The following AGAP1 variants were observed in gnomAD, a reference collection of about 807,000 sequenced individuals.
AGAP1 encodes the protein arf-GAP with GTPase, ANK repeat and PH domain-containing protein 1.
AGAP1 carries 29 observed loss-of-function variants against 105.3 expected under a neutral mutation model. The ratio of observed to expected loss-of-function variants is 0.28; its 90% CI spans 0.21 to 0.38. AGAP1 has a LOEUF of 0.38. Ranked by LOEUF, AGAP1 falls within the 10% of genes least tolerant of loss-of-function variation. The probability of loss-of-function intolerance (pLI) is 1.00; values close to 1 mark genes in which losing one functional copy is unlikely to be tolerated. For synonymous variants in AGAP1, 509 were observed against 485.9 expected, an observed-to-expected ratio of 1.05 and a Z score of -0.63; for missense variants, 998 against 1,165.1, an observed-to-expected ratio of 0.86 and a Z score of 2.09.
In AGAP1 at chr2:235,911,402, A is replaced by G. The variant is rs931617137; in HGVS notation, c.1324+2496A>G. 9.8e-5 allele frequency among the ~76,000 whole-genome samples: 15 copies of G among 152,310 alleles called. No homozygotes were observed. The East Asian group carries it at 2.1e-3, about 22-fold the overall frequency. ...GGCCAGGCTTCAAGGGATGGGGGCT[A>G]CCTGCTGAGTTTGAATAAAGGATAG... On this transcript the variant is annotated intron_variant, in intron 11 of 17. Coordinates refer to ENST00000304032, the MANE Select transcript of AGAP1 (RefSeq NM_001037131.3).
rs148074648 is a variant in AGAP1 at position 235,539,877 on chromosome 2, C to T, written c.163+45028C>T. Among the ~76,000 whole-genome samples, 257 of 152,192 alleles carry T rather than the reference C, an allele frequency of 1.7e-3. 1 individual carries two copies. The highest frequency in any genetic ancestry group is 5.7e-3 in the African/African-American group (236 of 41,526). On this transcript the variant is annotated intron_variant, in intron 1 of 17. Transcript: ENST00000304032. ...TGAAGATTTCTCTTGCACTTGTTTT[C>T]GGGATAGGAAAACAAGCCCTTTTAG...
rs751205268 is a variant in AGAP1 at position 235,714,267 on chromosome 2, C to T, written c.223-3290C>T. ...CTGACCTCAGGTGATCCACCTGCCT[C>T]GGCCTCCCAAAGTGCTGGGATTACA... On this transcript the variant is annotated intron_variant, in intron 2 of 17. Transcript: ENST00000304032. This position sits in a 1 kb window ranked among gnomAD's most constrained non-coding sequence, Gnocchi z 4.1. Among the ~76,000 whole-genome samples the T allele has an allele frequency of 2.1e-4, 32 of 152,054 alleles. No homozygotes were observed. Among genetic ancestry groups the T allele is most frequent in the Non-Finnish European group, 4.3e-4 (29 of 68,036 alleles).
chr2:235,718,403 A>G (rs934760988), intron 3 of AGAP1: 7 of 985,188 alleles, frequency 7.1e-6, no homozygotes, highest in Non-Finnish European at 7.2e-6. Flanking sequence ...GTAACTATTC[A>G]TTTTCTTCAT....
chr2:235,589,189 GTTTTGT>G (rs1267204550), intron 1 of AGAP1, among the ~76,000 whole-genome samples: 2,186 of 54,684 alleles, frequency 0.04, 175 homozygotes, highest in African/African-American at 0.071. Context: ...ATAGCTTATT[GTTTTGT>G]TTTTTTTTTT....
chr2:235,603,599 A>G (rs1011512906), intron 1 of AGAP1, among the ~76,000 whole-genome samples: 4 of 152,230 alleles, frequency 2.6e-5, no homozygotes, highest in African/African-American at 4.8e-5. Context: ...AAACTGTAGT[A>G]TACACCAGGA....
rs1219730850 is a variant in AGAP1, at chr2:235,642,189, C to G, written c.164-66990C>G. ...ACTTGGCCTTCTGGCACTGGGGATTCCTCTCCCAAGTCTTGCTAGCTCGTG... is the reference window on the plus strand; with the variant it reads ...ACTTGGCCTTCTGGCACTGGGGATTGCTCTCCCAAGTCTTGCTAGCTCGTG... On this transcript the variant is annotated intron_variant, in intron 1 of 17. Coordinates refer to ENST00000304032, the MANE Select transcript of AGAP1 (RefSeq NM_001037131.3). The surrounding 1 kb of genome is among the most constrained non-coding windows in gnomAD (Gnocchi z 4.1). Among the ~76,000 whole-genome samples, 1 of 152,200 alleles carries G rather than the reference C, an allele frequency of 6.6e-6. No homozygotes were observed. The highest frequency in any genetic ancestry group is 1.5e-5 in the Non-Finnish European group (1 of 68,048).
At chr2:235,920,935 A>T (rs1575783362) in intron 11 of AGAP1, among the ~76,000 whole-genome samples, 1 of 152,240 alleles carries the variant, frequency 6.6e-6, no homozygotes, top group Non-Finnish European at 1.5e-5. Flanking sequence ...TGTTATCATT[A>T]TCACCATTTC....
At position 235,569,135 on chromosome 2, in the gene AGAP1, C is replaced by T. The variant is rs191799435; in HGVS notation, c.163+74286C>T. Among the ~76,000 whole-genome samples the T allele has an allele frequency of 1.5e-3, 232 of 152,258 alleles. 2 individuals carry two copies. Among genetic ancestry groups the T allele is most frequent in the Non-Finnish European group, 2.3e-3 (155 of 68,018 alleles). Reference sequence around the variant, plus strand: ...TCAGAGACCATCCTGGCCAACATGGCGGAAACCCGTCTCTATTAAAAGTAT... The same window carrying T: ...TCAGAGACCATCCTGGCCAACATGGTGGAAACCCGTCTCTATTAAAAGTAT... On this transcript the variant is annotated intron_variant, in intron 1 of 17. Transcript: ENST00000304032. The surrounding 1 kb of genome is among the most constrained non-coding windows in gnomAD (Gnocchi z 5.9).
rs1947912291 is a variant in AGAP1, at chr2:235,660,489, C to T, written c.164-48690C>T. Among the ~76,000 whole-genome samples the T allele has an allele frequency of 2.6e-5, 4 of 152,204 alleles. No individual in the cohort carries two copies. In the South Asian group the frequency reaches 6.2e-4, roughly 24 times the overall value. ...GAGGGGGTTCTATAAATGGAAGTGTCAGAGCAGGGTGACAGATGCCAAGGA... is the reference window on the plus strand; with the variant it reads ...GAGGGGGTTCTATAAATGGAAGTGTTAGAGCAGGGTGACAGATGCCAAGGA... On this transcript the variant is annotated intron_variant, in intron 1 of 17. Coordinates refer to ENST00000304032, the MANE Select transcript of AGAP1 (RefSeq NM_001037131.3). The surrounding 1 kb of genome is among the most constrained non-coding windows in gnomAD (Gnocchi z 5.3).
At position 236,121,077 on chromosome 2, in the gene AGAP1, G is replaced by A. The variant is rs555834879; in HGVS notation, c.2370+630G>A. 5.3e-5 allele frequency among the ~76,000 whole-genome samples: 8 copies of A among 152,308 alleles called. No individual in the cohort carries two copies. The South Asian group carries it at 1.2e-3, about 24-fold the overall frequency. The stretch of plus-strand genomic sequence containing the variant: ...ACCCCTGGGGCTTCTGCTGAGGCAG[G>A]TTCCCACCAGAGGCAGGCAGAAAGC... On this transcript the variant is annotated intron_variant, in intron 17 of 17. Coordinates refer to ENST00000304032, the MANE Select transcript of AGAP1 (RefSeq NM_001037131.3). The surrounding 1 kb of genome is among the most constrained non-coding windows in gnomAD (Gnocchi z 4.9).
chr2:235,939,161 C>T (rs549629257), intron 12 of AGAP1, among the ~76,000 whole-genome samples: 94 of 152,148 alleles, frequency 6.2e-4, no homozygotes, highest in Non-Finnish European at 1.0e-3. Context: ...TAGTATGATG[C>T]AGTGAGACAG....
rs1451830768 is a variant in AGAP1, at chr2:236,020,542, A to T, written c.1646-16019A>T. 6.6e-6 allele frequency among the ~76,000 whole-genome samples: 1 copy of T among 152,124 alleles called. No homozygotes were observed. The highest frequency in any genetic ancestry group is 1.5e-5 in the Non-Finnish European group (1 of 68,030). ...TCTCATCCCCTCTCTGCCACTTCCC[A>T]GCTGTGTGGCTTGGGATGCTTTCCT... On this transcript the variant is annotated intron_variant, in intron 13 of 17. Coordinates refer to ENST00000304032, the MANE Select transcript of AGAP1 (RefSeq NM_001037131.3). This position sits in a 1 kb window ranked among gnomAD's most constrained non-coding sequence, Gnocchi z 5.0.
chr2:236,124,791 G>A lies in AGAP1; in HGVS notation c.*669G>A, dbSNP rs73996548. 1,048 of 154,266 alleles carry A rather than the reference G, an allele frequency of 6.8e-3. 12 individuals carry two copies. The highest frequency in any genetic ancestry group is 0.024 in the African/African-American group (981 of 41,570). 9.6% of individuals were successfully genotyped at this position (154,266 alleles called of 1,614,324 possible). ...CCGAGGAGGTAGTCACGCGGCACGC[G>A]CCGGTGATTGCCACGATGTGATTGC... On this transcript the variant is annotated 3_prime_UTR_variant, in exon 18 of 18. Transcript: ENST00000304032. This position sits in a 1 kb window ranked among gnomAD's most constrained non-coding sequence, Gnocchi z 5.1.
At chr2:235,995,729 A>T (rs1022337423) in intron 13 of AGAP1, among the ~76,000 whole-genome samples, 2 of 152,128 alleles carry the variant, frequency 1.3e-5, no homozygotes, top group African/African-American at 4.8e-5. Context: ...CCTATTGAGG[A>T]TTCCATCTCT....
Position 236,036,424 on chromosome 2 carries a change from G to A in AGAP1, c.1646-137G>A, listed in dbSNP as rs1256480362. On this transcript the variant is annotated intron_variant, in intron 13 of 17. Transcript: ENST00000304032. This position sits in a 1 kb window ranked among gnomAD's most constrained non-coding sequence, Gnocchi z 5.7. ...TGCATGGATTCAAATCTCCGCCGCC[G>A]TGGTTGTCCAGTGCCGTGCGCCTCA... The A allele has an allele frequency of 7.8e-6, 9 of 1,153,808 alleles. No individual in the cohort carries two copies. Among genetic ancestry groups the A allele is most frequent in the East Asian group, 7.1e-5 (3 of 42,222 alleles). The allele number at this position is 1,153,808 out of a possible 1,614,324, so 71.5% of individuals were successfully genotyped here. A position where few individuals can be genotyped will look rare whatever the true frequency, so the allele number is the denominator to read the frequency against.
At position 235,981,456 on chromosome 2, in the gene AGAP1, C is replaced by CAT. The variant is rs2055091615; in HGVS notation, c.1645+12834_1645+12835insTA. The stretch of plus-strand genomic sequence containing the variant: ...TAAGTTCATGTTCCATGCGTACACA[C>CAT]ACACACACACACACACACGGTGTTA... On this transcript the variant is annotated intron_variant, in intron 13 of 17. Transcript: ENST00000304032. This position sits in a 1 kb window ranked among gnomAD's most constrained non-coding sequence, Gnocchi z 5.5. Among the ~76,000 whole-genome samples, 1 of 150,644 alleles carries CAT rather than the reference C, an allele frequency of 6.6e-6. No individual in the cohort carries two copies. Among genetic ancestry groups the CAT allele is most frequent in the Admixed American group, 6.6e-5 (1 of 15,172 alleles).
chr2:235,880,083 C>CTTTTTTTTTTTTTTTTTTTTTTTTTT (rs35633339), intron 9 of AGAP1, among the ~76,000 whole-genome samples: 1 of 138,890 alleles, frequency 7.2e-6, no homozygotes. Context: ...GCACTCTGGC[C>CTTTTTTTTTTTTTTTTTTTTTTTTTT]TTTTTTTTTT....
intron 8 of AGAP1, among the ~76,000 whole-genome samples, chr2:235,802,899 G>T (rs1275376621): frequency 1.3e-5 from 2 of 151,134 alleles, no homozygotes; most frequent in African/African-American, 4.9e-5. Context: ...TGGTGATGAT[G>T]GTTGTGATGG....
At position 235,586,690 on chromosome 2, in the gene AGAP1, C is replaced by T. The variant is rs7605529; in HGVS notation, c.163+91841C>T. Among the ~76,000 whole-genome samples the T allele has an allele frequency of 0.075, 11,440 of 152,190 alleles. 1,226 individuals are homozygous for T. Among genetic ancestry groups the T allele is most frequent in the East Asian group, 0.33 (1,723 of 5,160 alleles). ...AGAGTGAGACTGTGCAGGACTGCCC[C>T]GTACAGTACGGCTTCTATGTGTGAA... On this transcript the variant is annotated intron_variant, in intron 1 of 17. Coordinates refer to ENST00000304032, the MANE Select transcript of AGAP1 (RefSeq NM_001037131.3). This position sits in a 1 kb window ranked among gnomAD's most constrained non-coding sequence, Gnocchi z 4.2.
Sources: gnomAD v4.1 joint callset for allele counts (sites outside exome capture counted in the v4.1 genomes callset) on GRCh38, gnomAD v4.1.1 for gene constraint, Gnocchi (gnomAD v3.1) non-coding constraint, MANE v1.5 for transcripts, NCBI Gene and HGNC (gene_info 2026-07-23, HGNC 2026-07-21) for gene names.